Variants in SYBU observed in about 807,000 individuals in gnomAD.
SYBU encodes the protein syntabulin, also known as GOLSYN A protein.
Under a neutral mutation model 35.9 loss-of-function variants are expected in SYBU, and 21 were observed. That is an observed-to-expected ratio of 0.58 (90% CI 0.41 to 0.84). The LOEUF is 0.84. SYBU is among the 40% of genes least tolerant of loss of function. SYBU has a pLI of 0.00. For synonymous variants in SYBU, 319 were observed against 324.3 expected, an observed-to-expected ratio of 0.98 and a Z score of 0.18; for missense variants, 768 against 848.2, an observed-to-expected ratio of 0.91 and a Z score of 1.17.
At chr8:109,686,600 A>G (rs1817524785) in intron 1 of SYBU, among the ~76,000 whole-genome samples, 1 of 152,216 alleles carries the variant, frequency 6.6e-6, no homozygotes, top group Non-Finnish European at 1.5e-5. Flanking sequence ...AAGAAGGAAG[A>G]GAACAGGTTA....
At chr8:109,614,511 T>C (rs1811519869) in intron 3 of SYBU, among the ~76,000 whole-genome samples, 1 of 152,234 alleles carries the variant, frequency 6.6e-6, no homozygotes, top group Admixed American at 6.5e-5. Context: ...TCATACAGTA[T>C]TCTGCCTTAA....
Position 109,584,220 on chromosome 8 carries a change from T to C in SYBU, c.530+1840A>G, listed in dbSNP as rs1823367632. ...TTTGAAGTCTATTATTGCTTGGCTA[T>C]AACAGATACTAACAGAAGCATTCAT... On this transcript the variant is annotated intron_variant, in intron 4 of 6. Transcript: ENST00000276646. The surrounding 1 kb of genome is among the most constrained non-coding windows in gnomAD (Gnocchi z 4.0). Among the ~76,000 whole-genome samples the C allele has an allele frequency of 6.6e-6, 1 of 152,234 alleles. No individual in the cohort carries two copies. The highest frequency in any genetic ancestry group is 6.5e-5 in the Admixed American group (1 of 15,286).
chr8:109,576,075 C>G (rs1006948978), intron 6 of SYBU, 62 bp from the exon 7 acceptor site: 245 of 1,304,868 alleles, frequency 1.9e-4, no homozygotes, highest in Non-Finnish European at 2.3e-4. Context: ...AAAAAACTTT[C>G]AACTGGGCAA....
intron 1 of SYBU, among the ~76,000 whole-genome samples, chr8:109,677,675 T>C (rs2130777658): frequency 6.6e-6 from 1 of 152,356 alleles, no homozygotes; most frequent in East Asian, 1.9e-4. Flanking sequence ...TCATGCATTA[T>C]ATCTTCAATT....
intron 3 of SYBU, among the ~76,000 whole-genome samples, chr8:109,616,002 C>CTT (rs1811725305): frequency 1.0e-5 from 1 of 99,288 alleles, no homozygotes; most frequent in African/African-American, 4.5e-5. Flanking sequence ...CTTTTCTTTT[C>CTT]TTTCTTTTTT....
intron 3 of SYBU, among the ~76,000 whole-genome samples, chr8:109,608,286 G>A (rs1274065477): frequency 2.6e-5 from 4 of 152,130 alleles, no homozygotes; most frequent in East Asian, 1.9e-4. Context: ...ATGAATCCTC[G>A]GACAATATTG....
chr8:109,596,706 G>A (rs1373768680), intron 3 of SYBU, among the ~76,000 whole-genome samples: 1 of 152,142 alleles, frequency 6.6e-6, no homozygotes, highest in African/African-American at 2.4e-5. Flanking sequence ...TAATATTAGA[G>A]TGTGTGATTT....
chr8:109,687,262 G>A (rs1328667308), intron 1 of SYBU, among the ~76,000 whole-genome samples: 4 of 152,214 alleles, frequency 2.6e-5, no homozygotes, highest in East Asian at 1.9e-4. Flanking sequence ...CTAGTGACTC[G>A]TTTGCTTCTC....
chr8:109,635,794 C>G (rs886720982), intron 2 of SYBU, among the ~76,000 whole-genome samples: 1 of 152,146 alleles, frequency 6.6e-6, no homozygotes, highest in African/African-American at 2.4e-5. Flanking sequence ...CCTCCCTGTC[C>G]AACACAGAAA....
upstream of SYBU, among the ~76,000 whole-genome samples, chr8:109,681,417 T>A (rs1817393308): frequency 6.6e-6 from 1 of 152,198 alleles, no homozygotes; most frequent in African/African-American, 2.4e-5. Flanking sequence ...CATGATATAT[T>A]TTAAAGTATA....
intron 1 of SYBU, chr8:109,644,311 C>T: frequency 1.8e-6 from 1 of 552,530 alleles, no homozygotes; most frequent in African/African-American, 1.9e-5. Context: ...TTTTCCCAGT[C>T]GCGGATGCAT....
At chr8:109,661,432 G>A (rs1407023139) in intron 1 of SYBU, among the ~76,000 whole-genome samples, 4 of 152,192 alleles carry the variant, frequency 2.6e-5, no homozygotes, top group East Asian at 1.9e-4. Flanking sequence ...TAAATGCAAT[G>A]AGAATGAGAG....
intron 2 of SYBU, among the ~76,000 whole-genome samples, chr8:109,630,302 T>C (rs372420347): frequency 2.1e-5 from 3 of 143,830 alleles, no homozygotes; most frequent in African/African-American, 5.1e-5. Flanking sequence ...AGGGATAGCA[T>C]TGGGAGATAT....
chr8:109,682,381 T>G (rs1451788464), upstream of SYBU, among the ~76,000 whole-genome samples: 1 of 152,162 alleles, frequency 6.6e-6, no homozygotes, highest in Non-Finnish European at 1.5e-5. Flanking sequence ...GACAATTAAG[T>G]GCAGGCTGAG....
At chr8:109,585,299 A>G (rs374003703) in intron 4 of SYBU, among the ~76,000 whole-genome samples, 2 of 152,310 alleles carry the variant, frequency 1.3e-5, no homozygotes, top group East Asian at 1.9e-4. Context: ...AATAACATCA[A>G]TGGAGAGAAT....
At chr8:109,669,673 T>C (rs1399066765) in intron 1 of SYBU, among the ~76,000 whole-genome samples, 1 of 152,194 alleles carries the variant, frequency 6.6e-6, no homozygotes, top group Admixed American at 6.5e-5. Context: ...CCAAGGAAAA[T>C]GTGATGCAGC....
chr8:109,679,269 A>T (rs1817315707), intron 1 of SYBU, among the ~76,000 whole-genome samples: 1 of 152,194 alleles, frequency 6.6e-6, no homozygotes, highest in Non-Finnish European at 1.5e-5. Flanking sequence ...CAGAAAACTC[A>T]TGAATAATCT....
At chr8:109,646,280 G>A (rs1815689095), upstream of SYBU, 2 of 152,152 alleles carry the variant, frequency 1.3e-5, no homozygotes, top group South Asian at 4.1e-4. Context: ...TGTGCTCCTC[G>A]AAAACTGAGG....
intron 1 of SYBU, among the ~76,000 whole-genome samples, chr8:109,652,058 C>T (rs1200028924): frequency 6.6e-6 from 1 of 152,204 alleles, no homozygotes; most frequent in Non-Finnish European, 1.5e-5. Context: ...ACTGCCTCAG[C>T]CACTAGTTCC....
Sources: allele counts gnomAD v4.1 joint callset (sites outside exome capture counted in the v4.1 genomes callset), GRCh38; gene constraint gnomAD v4.1.1; non-coding constraint Gnocchi (gnomAD v3.1); transcripts MANE v1.5; gene names NCBI Gene and HGNC (gene_info 2026-07-23, HGNC 2026-07-21).